ST7: variants seen among roughly 807,000 people sequenced by gnomAD.
ST7 encodes suppressor of tumorigenicity 7 protein.
In ST7, 28 loss-of-function variants were observed where a neutral mutation model predicts 78.7. That is an observed-to-expected ratio of 0.36 (90% CI 0.26 to 0.49). The LOEUF is 0.49. Among genes scored for constraint, ST7 ranks in the 20% least tolerant of loss-of-function variants. ST7 has a pLI of 0.99. For synonymous variants in ST7, 247 were observed against 249.6 expected (o/e 0.99, Z 0.10); for missense variants, 418 against 696.0 (o/e 0.60, Z 4.49).
chr7:117,123,108 A>G (rs1011461581), intron 3 of ST7, among the ~76,000 whole-genome samples: 1 of 152,214 alleles, frequency 6.6e-6, no homozygotes, highest in Non-Finnish European at 1.5e-5. Context: ...TACATGAAAT[A>G]TAACATGGCT....
chr7:117,106,576 C>T (rs1482206667), intron 2 of ST7, among the ~76,000 whole-genome samples: 2 of 150,860 alleles, frequency 1.3e-5, no homozygotes, highest in African/African-American at 4.9e-5. Flanking sequence ...CCTCTTCCCA[C>T]TCTTTCCTCC....
intron 1 of ST7, among the ~76,000 whole-genome samples, chr7:117,044,722 G>C (rs1797403452): frequency 6.6e-6 from 1 of 152,266 alleles, no homozygotes; most frequent in South Asian, 2.1e-4. Context: ...GTCAAACCCA[G>C]CGTTCTGTGA....
chr7:117,099,059 A>AAAAAAAAAAAAAAAAAAAAAG (rs1801353933), intron 1 of ST7, among the ~76,000 whole-genome samples: 1 of 144,164 alleles, frequency 6.9e-6, no homozygotes, highest in African/African-American at 2.6e-5. Flanking sequence ...AAAAAAAAAA[A>AAAAAAAAAAAAAAAAAAAAAG]AAAAAACAAA....
chr7:117,155,871 T>C (rs1006656026), intron 9 of ST7, among the ~76,000 whole-genome samples: 5 of 152,224 alleles, frequency 3.3e-5, no homozygotes, highest in African/African-American at 1.2e-4. Context: ...ATGCTGGCCT[T>C]CTTGCATTTG....
intron 12 of ST7, among the ~76,000 whole-genome samples, chr7:117,195,596 G>A (rs187108984): frequency 2.2e-4 from 33 of 152,222 alleles, no homozygotes; most frequent in South Asian, 4.1e-4. Context: ...AAGTAAACAC[G>A]TCCTTTTTCA....
intron 1 of ST7, among the ~76,000 whole-genome samples, chr7:117,043,059 C>T (rs1797312341): frequency 1.3e-5 from 2 of 152,074 alleles, no homozygotes; most frequent in African/African-American, 4.8e-5. Context: ...TAAAACAATT[C>T]ACCTTTTTGT....
intron 1 of ST7, among the ~76,000 whole-genome samples, chr7:116,975,228 C>T (rs1401254663): frequency 2.3e-4 from 35 of 151,956 alleles, no homozygotes. Context: ...TTTATAAAAC[C>T]ATCAGATCTC....
intron 13 of ST7, among the ~76,000 whole-genome samples, chr7:117,216,266 A>G (rs1342596233): frequency 6.6e-6 from 1 of 152,174 alleles, no homozygotes; most frequent in African/African-American, 2.4e-5. Context: ...CACAACCAAA[A>G]TCAAGGTAGG....
intron 1 of ST7, among the ~76,000 whole-genome samples, chr7:117,001,184 CAGG>C (rs1352787397): frequency 6.6e-6 from 1 of 152,184 alleles, no homozygotes; most frequent in Non-Finnish European, 1.5e-5. Flanking sequence ...GGGAAGAAAG[CAGG>C]AGGTCTAATC....
intron 1 of ST7, among the ~76,000 whole-genome samples, chr7:117,014,286 A>AATT (rs1795505282): frequency 2.3e-4 from 1 of 4,378 alleles, no homozygotes; most frequent in Non-Finnish European, 4.0e-3. Context: ...GATATGCTCA[A>AATT]GATTGGCAAT....
intron 1 of ST7, among the ~76,000 whole-genome samples, chr7:117,050,916 G>A (rs1329781521): frequency 2.1e-5 from 3 of 140,048 alleles, no homozygotes; most frequent in Admixed American, 7.3e-5. Context: ...GCGACAGAGC[G>A]AGACTACGTC....
At chr7:117,116,317 G>A (rs1410477188) in intron 2 of ST7, among the ~76,000 whole-genome samples, 2 of 152,170 alleles carry the variant, frequency 1.3e-5, no homozygotes. Context: ...TGTCCAAGAA[G>A]TGCTTTTAAA....
At chr7:116,955,011 T>C (rs1402233051) in intron 1 of ST7, 4 of 418,488 alleles carry the variant, frequency 9.6e-6, no homozygotes, top group African/African-American at 2.1e-5. Flanking sequence ...GCGGATAGGA[T>C]TCAGCACTCT....
intron 9 of ST7, among the ~76,000 whole-genome samples, chr7:117,167,572 A>G (rs535088900): frequency 2.0e-5 from 3 of 152,130 alleles, no homozygotes; most frequent in South Asian, 2.1e-4. Context: ...TGGCAAGAGC[A>G]GGATGTTAGG....
intron 13 of ST7, among the ~76,000 whole-genome samples, chr7:117,218,733 A>C (rs1401459220): frequency 1.3e-5 from 2 of 152,160 alleles, no homozygotes; most frequent in Non-Finnish European, 2.9e-5. Flanking sequence ...CCACGTTTGC[A>C]TGATTACTAT....
At chr7:117,140,185 T>C (rs1805158114) in intron 9 of ST7, among the ~76,000 whole-genome samples, 2 of 152,212 alleles carry the variant, frequency 1.3e-5, no homozygotes, top group African/African-American at 4.8e-5. Flanking sequence ...GCATCTACAT[T>C]ATGATTTGCT....
chr7:117,208,528 G>A (rs1791983578), intron 12 of ST7, among the ~76,000 whole-genome samples: 1 of 152,106 alleles, frequency 6.6e-6, no homozygotes, highest in African/African-American at 2.4e-5. Flanking sequence ...GCCTGCATGT[G>A]TTCTCCTGGC....
intron 8 of ST7, chr7:117,136,950 T>C (rs1238144002): frequency 6.6e-6 from 1 of 152,134 alleles, no homozygotes; most frequent in Non-Finnish European, 1.5e-5. Flanking sequence ...GCCCCTCGAC[T>C]CATCAGTTTG....
chr7:117,106,084 C>T (rs558214356), intron 2 of ST7, among the ~76,000 whole-genome samples: 16 of 152,158 alleles, frequency 1.1e-4, no homozygotes, highest in South Asian at 6.2e-4. Context: ...CTGCAAGCTC[C>T]GCTTCCCGGG....
Sources: gnomAD v4.1 joint callset for allele counts (sites outside exome capture counted in the v4.1 genomes callset) on GRCh38, gnomAD v4.1.1 for gene constraint, MANE v1.5 for transcripts, NCBI Gene and HGNC (gene_info 2026-07-23, HGNC 2026-07-21) for gene names.